The following KIF16B variants were observed in gnomAD, a reference collection of about 807,000 sequenced individuals.
KIF16B encodes the protein kinesin-like protein KIF16B.
A neutral mutation model predicts 156.3 loss-of-function variants in KIF16B; 98 were observed. That is an observed-to-expected ratio of 0.63 (90% CI 0.53 to 0.74). KIF16B has a LOEUF of 0.74. KIF16B is among the 30% of genes least tolerant of loss of function. KIF16B has a pLI of 0.00. For synonymous variants in KIF16B, 564 were observed against 583.7 expected, an observed-to-expected ratio of 0.97 and a Z score of 0.49; for missense variants, 1,421 against 1,606.5, an observed-to-expected ratio of 0.88 and a Z score of 1.97.
At chr20:16,498,798 G>A (rs749648431) in intron 10 of KIF16B, among the ~76,000 whole-genome samples, 2 of 151,756 alleles carry the variant, frequency 1.3e-5, no homozygotes, top group South Asian at 2.1e-4. Flanking sequence ...TCATCTATAC[G>A]TATGGTTTTT....
intron 15 of KIF16B, among the ~76,000 whole-genome samples, chr20:16,420,457 T>C (rs1012906): frequency 0.076 from 11,503 of 152,038 alleles, 513 homozygotes; most frequent in South Asian, 0.15. Context: ...CATTTACAAA[T>C]GAACAGAAAT....
intron 12 of KIF16B, among the ~76,000 whole-genome samples, chr20:16,487,572 A>C (rs2068158350): frequency 1.3e-5 from 2 of 152,204 alleles, no homozygotes; most frequent in African/African-American, 4.8e-5. Context: ...AGTTCAGTGG[A>C]TTGATTCTAT....
intron 1 of KIF16B, among the ~76,000 whole-genome samples, chr20:16,551,217 C>A (rs575454697): frequency 6.0e-5 from 9 of 151,142 alleles, no homozygotes; most frequent in South Asian, 2.1e-4. Flanking sequence ...CTGCAACCTC[C>A]GCCTCCTGGT....
chr20:16,309,023 G>C (rs1307627612), intron 25 of KIF16B, among the ~76,000 whole-genome samples: 5 of 152,186 alleles, frequency 3.3e-5, no homozygotes, highest in African/African-American at 1.2e-4. Flanking sequence ...ACTGACTGAG[G>C]GCAGAGTCTG....
intron 18 of KIF16B, 78 bp downstream of exon 18, chr20:16,381,616 C>G (rs2065098488): frequency 2.8e-6 from 3 of 1,056,310 alleles, no homozygotes; most frequent in African/African-American, 1.6e-5. Flanking sequence ...GAAGCAGACA[C>G]AGATGGAATC....
At chr20:16,463,765 C>A (rs150404438) in intron 12 of KIF16B, among the ~76,000 whole-genome samples, 1 of 152,212 alleles carries the variant, frequency 6.6e-6, no homozygotes, top group African/African-American at 2.4e-5. Flanking sequence ...GATAACAGGG[C>A]CTTTTCAGAA....
At chr20:16,476,150 G>A (rs2067804226) in intron 12 of KIF16B, among the ~76,000 whole-genome samples, 1 of 152,152 alleles carries the variant, frequency 6.6e-6, no homozygotes, top group Non-Finnish European at 1.5e-5. Flanking sequence ...CCTATCTACA[G>A]TGACATCTAG....
At chr20:16,411,174 T>C (rs1471832760) in intron 15 of KIF16B, among the ~76,000 whole-genome samples, 1 of 152,130 alleles carries the variant, frequency 6.6e-6, no homozygotes, top group African/African-American at 2.4e-5. Flanking sequence ...TTTTGGTTCA[T>C]TGTGATAGAT....
chr20:16,449,880 G>C (rs2067032451), intron 12 of KIF16B, among the ~76,000 whole-genome samples: 1 of 151,942 alleles, frequency 6.6e-6, no homozygotes, highest in African/African-American at 2.4e-5. Context: ...GGTGCACCAG[G>C]GCACATGAAA....
chr20:16,290,577 GC>G (rs2063300336), intron 25 of KIF16B, among the ~76,000 whole-genome samples: 2 of 152,314 alleles, frequency 1.3e-5, no homozygotes, highest in African/African-American at 2.4e-5. Flanking sequence ...GGTGCCTGAT[GC>G]TCCTGTGAGA....
chr20:16,482,084 A>G (rs1345660373), intron 12 of KIF16B, among the ~76,000 whole-genome samples: 2 of 152,194 alleles, frequency 1.3e-5, no homozygotes, highest in South Asian at 2.1e-4. Context: ...AGATGTGAGA[A>G]GTGTATAGTC....
intron 12 of KIF16B, among the ~76,000 whole-genome samples, chr20:16,456,020 G>A (rs2067202616): frequency 2.0e-5 from 3 of 151,996 alleles, no homozygotes; most frequent in Admixed American, 1.3e-4. Flanking sequence ...TTGCTTTCTA[G>A]GGCGTTTCTT....
chr20:16,284,927 G>A (rs1241438048), intron 25 of KIF16B, among the ~76,000 whole-genome samples: 2 of 152,066 alleles, frequency 1.3e-5, no homozygotes, highest in East Asian at 1.9e-4. Flanking sequence ...CCCACCTCCC[G>A]CACTCACACC....
chr20:16,394,477 G>A (rs144646835), intron 17 of KIF16B, among the ~76,000 whole-genome samples: 35 of 152,210 alleles, frequency 2.3e-4, no homozygotes, highest in African/African-American at 8.4e-4. Context: ...GCTATTTAAG[G>A]CAATCTATAG....
chr20:16,484,497 C>T (rs1272235896), intron 12 of KIF16B, among the ~76,000 whole-genome samples: 1 of 152,154 alleles, frequency 6.6e-6, no homozygotes, highest in Non-Finnish European at 1.5e-5. Flanking sequence ...CACAGTTTGA[C>T]AGAAATTAGC....
chr20:16,496,484 G>A (rs2146949107), intron 11 of KIF16B, among the ~76,000 whole-genome samples: 2 of 152,226 alleles, frequency 1.3e-5, no homozygotes, highest in South Asian at 4.1e-4. Context: ...TCTAACAGTG[G>A]GATCAGGTGA....
chr20:16,536,499 T>A (rs149759017), intron 1 of KIF16B, among the ~76,000 whole-genome samples: 41 of 152,314 alleles, frequency 2.7e-4, no homozygotes, highest in African/African-American at 9.6e-4. Context: ...ACTTGAAATG[T>A]ACCCAACACA....
chr20:16,493,083 G>A (rs2068345181), intron 12 of KIF16B, among the ~76,000 whole-genome samples: 1 of 152,156 alleles, frequency 6.6e-6, no homozygotes, highest in Non-Finnish European at 1.5e-5. Flanking sequence ...TACTGCAGAA[G>A]TACCTCAAAA....
At chr20:16,403,257 C>A (rs1010875370) in intron 17 of KIF16B, among the ~76,000 whole-genome samples, 1 of 152,166 alleles carries the variant, frequency 6.6e-6, no homozygotes, top group Admixed American at 6.5e-5. Context: ...TGGGATCACA[C>A]TATTTTAGCT....
Sources: gnomAD v4.1 joint callset for allele counts (sites outside exome capture counted in the v4.1 genomes callset) on GRCh38, gnomAD v4.1.1 for gene constraint, MANE v1.5 for transcripts, NCBI Gene and HGNC (gene_info 2026-07-23, HGNC 2026-07-21) for gene names.